Variants in VEPH1 observed in about 807,000 individuals in gnomAD.
The protein encoded by VEPH1 is ventricular zone-expressed PH domain-containing protein homolog 1.
VEPH1 carries 80 observed loss-of-function variants against 85.2 expected under a neutral mutation model. That is an observed-to-expected ratio of 0.94 (90% CI 0.78 to 1.13). VEPH1 has a LOEUF of 1.13. VEPH1 is among the 50% of genes most tolerant of loss of function. The pLI, the probability that VEPH1 is intolerant of heterozygous loss-of-function variation, is 0.00. For synonymous variants in VEPH1, 297 were observed against 348.0 expected, an observed-to-expected ratio of 0.85 and a Z score of 1.63; for missense variants, 955 against 980.5, an observed-to-expected ratio of 0.97 and a Z score of 0.35.
rs1008490488 is a variant in VEPH1 at position 157,438,031 on chromosome 3, GCGCGCGCACACACACACACA to G, written c.530-9563_530-9544del. On this transcript the variant is annotated intron_variant, in intron 4 of 13. Coordinates refer to ENST00000362010, the MANE Select transcript of VEPH1 (RefSeq NM_001167912.2). ...AAGCTTTCATGGGAAGCGCGCGCGCGCGCGCGCACACACACACACACACACACACACACACACACACCCCT... is the reference window on the plus strand; with the variant it reads ...AAGCTTTCATGGGAAGCGCGCGCGCGCACACACACACACACACACACCCCT... The G allele has an allele frequency of 3.7e-6, 3 of 820,208 alleles. No homozygotes were observed. The African/African-American group carries it at 6.4e-5, about 17-fold the overall frequency. 50.8% of individuals were successfully genotyped at this position (820,208 alleles called of 1,614,324 possible).
intron 9 of VEPH1, among the ~76,000 whole-genome samples, chr3:157,362,155 C>T (rs889943198): frequency 1.3e-5 from 2 of 152,066 alleles, no homozygotes; most frequent in African/African-American, 4.8e-5. Flanking sequence ...CTCAGCCTCC[C>T]GAGTAGCTAG....
At chr3:157,412,702 A>G (rs1406086663) in intron 6 of VEPH1, among the ~76,000 whole-genome samples, 1 of 152,168 alleles carries the variant, frequency 6.6e-6, no homozygotes, top group Non-Finnish European at 1.5e-5. Context: ...GTACATCTAC[A>G]CCAGAGAAAT....
At chr3:157,353,805 C>A (rs980689992) in intron 9 of VEPH1, among the ~76,000 whole-genome samples, 3 of 152,094 alleles carry the variant, frequency 2.0e-5, no homozygotes, top group African/African-American at 7.2e-5. Flanking sequence ...CCCACTAGAA[C>A]AGCCTCCATG....
chr3:157,422,439 G>A (rs1185943244), intron 5 of VEPH1, among the ~76,000 whole-genome samples: 1 of 152,210 alleles, frequency 6.6e-6, no homozygotes, highest in Non-Finnish European at 1.5e-5. Context: ...TATAGTGCCT[G>A]GTATATGGTA....
intron 4 of VEPH1, chr3:157,437,977 G>A: frequency 1.3e-6 from 2 of 1,498,898 alleles, no homozygotes; most frequent in Non-Finnish European, 8.8e-7. Context: ...GCGCGTAACG[G>A]CAAGCCAAGC....
At chr3:157,437,875 G>C (rs964444797) in intron 4 of VEPH1, 1 of 1,503,280 alleles carries the variant, frequency 6.7e-7, no homozygotes. Context: ...CGACCTGCAC[G>C]CGGTGCAGGG....
intron 7 of VEPH1, among the ~76,000 whole-genome samples, chr3:157,367,815 A>T (rs1393963955): frequency 6.6e-6 from 1 of 152,104 alleles, no homozygotes; most frequent in African/African-American, 2.4e-5. Flanking sequence ...CTGACTATAC[A>T]GATTTTTAAA....
At chr3:157,438,033 G>GCT in intron 4 of VEPH1, 1 of 793,750 alleles carries the variant, frequency 1.3e-6, no homozygotes, top group Non-Finnish European at 1.9e-6. Context: ...GCGCGCGCGC[G>GCT]CGCGCACACA....
At chr3:157,410,033 C>T (rs1731417199) in intron 6 of VEPH1, 1 of 758,716 alleles carries the variant, frequency 1.3e-6, no homozygotes, top group South Asian at 6.0e-5. Flanking sequence ...AGCAGGATCT[C>T]AAAGTTGGAT....
intron 9 of VEPH1, among the ~76,000 whole-genome samples, chr3:157,317,969 T>A (rs1254427248): frequency 6.6e-6 from 1 of 152,242 alleles, no homozygotes; most frequent in Non-Finnish European, 1.5e-5. Flanking sequence ...ATGGGTATTA[T>A]TTCTGTTATA....
intron 7 of VEPH1, among the ~76,000 whole-genome samples, chr3:157,368,815 G>T (rs1236027438): frequency 6.6e-6 from 1 of 151,850 alleles, no homozygotes; most frequent in Non-Finnish European, 1.5e-5. Flanking sequence ...TTAAGTGTAG[G>T]TATATCCCTA....
At chr3:157,308,638 T>G (rs1186079990) in intron 11 of VEPH1, among the ~76,000 whole-genome samples, 1 of 152,068 alleles carries the variant, frequency 6.6e-6, no homozygotes, top group Non-Finnish European at 1.5e-5. Context: ...TTACCATCAC[T>G]TCATAAGAGA....
chr3:157,407,182 C>T (rs1731207742), intron 6 of VEPH1, among the ~76,000 whole-genome samples: 1 of 152,108 alleles, frequency 6.6e-6, no homozygotes, highest in Non-Finnish European at 1.5e-5. Flanking sequence ...AACAAACATT[C>T]TATTTTGGTC....
At chr3:157,275,297 C>T (rs1361046803) in intron 12 of VEPH1, among the ~76,000 whole-genome samples, 4 of 152,106 alleles carry the variant, frequency 2.6e-5, no homozygotes, top group Non-Finnish European at 5.9e-5. Context: ...AACCCCAGGC[C>T]AGGCAAGGTG....
chr3:157,373,645 G>A (rs191735596), intron 7 of VEPH1, among the ~76,000 whole-genome samples: 25 of 152,226 alleles, frequency 1.6e-4, no homozygotes, highest in Admixed American at 6.5e-4. Context: ...GGTTGTAGAG[G>A]GTCAAGGTCC....
intron 9 of VEPH1, among the ~76,000 whole-genome samples, chr3:157,360,614 C>T (rs558635332): frequency 6.6e-6 from 1 of 152,116 alleles, no homozygotes; most frequent in South Asian, 2.1e-4. Context: ...TACACTTAAC[C>T]TACCGAACAT....
intron 9 of VEPH1, among the ~76,000 whole-genome samples, chr3:157,319,591 T>C (rs1317065379): frequency 1.3e-5 from 2 of 152,208 alleles, no homozygotes; most frequent in Non-Finnish European, 2.9e-5. Context: ...GATAGCAATA[T>C]GTTTTGTTTT....
intron 13 of VEPH1, among the ~76,000 whole-genome samples, chr3:157,262,373 A>G (rs549438115): frequency 6.6e-6 from 1 of 152,304 alleles, no homozygotes; most frequent in African/African-American, 2.4e-5. Context: ...TGAAGGATAT[A>G]ACTTTTTAAA....
At chr3:157,363,883 C>A (rs759963459) in intron 8 of VEPH1, 122 bp from the exon 9 acceptor site, 14 of 1,138,172 alleles carry the variant, frequency 1.2e-5, no homozygotes, top group Middle Eastern at 3.0e-4. Flanking sequence ...TATTAACAGG[C>A]CTGATAAATG....
Sources: gnomAD v4.1 joint callset for allele counts (sites outside exome capture counted in the v4.1 genomes callset) on GRCh38, gnomAD v4.1.1 for gene constraint, MANE v1.5 for transcripts, NCBI Gene and HGNC (gene_info 2026-07-23, HGNC 2026-07-21) for gene names.